The following GPLD1 variants were observed in gnomAD, a reference collection of about 807,000 sequenced individuals.
GPLD1 encodes the protein glycosylphosphatidylinositol specific phospholipase D1.
A neutral mutation model predicts 112.6 loss-of-function variants in GPLD1; 84 were observed. The ratio of observed to expected loss-of-function variants is 0.75; its 90% confidence interval spans 0.63 to 0.89. GPLD1 has a LOEUF of 0.89. Ranked by LOEUF, GPLD1 falls within the 40% of genes least tolerant of loss-of-function variation. GPLD1 has a pLI of 0.00. For missense variants in GPLD1, 1,044 were observed against 1,051.5 expected, an observed-to-expected ratio of 0.99 and a Z score of 0.10; for synonymous variants, 386 against 403.8, an observed-to-expected ratio of 0.96 and a Z score of 0.53.
intron 20 of GPLD1, among the ~76,000 whole-genome samples, chr6:24,438,365 T>C (rs1350442093): frequency 6.6e-6 from 1 of 152,244 alleles, no homozygotes; most frequent in Admixed American, 6.5e-5. Context: ...GAAATATAAA[T>C]GGCACCTGTG....
chr6:24,450,357 C>T (rs898450537), intron 14 of GPLD1, among the ~76,000 whole-genome samples: 4 of 151,950 alleles, frequency 2.6e-5, no homozygotes, highest in East Asian at 1.9e-4. Flanking sequence ...AAGAATTAGC[C>T]GGGTGTGGTG....
Position 24,426,196 on chromosome 6 carries a change from A to G in GPLD1, c.*2836T>C, listed in dbSNP as rs753577021. The G allele has an allele frequency of 9.2e-5, 14 of 152,238 alleles. No homozygotes were observed. Among genetic ancestry groups the G allele is most frequent in the African/African-American group, 1.2e-4 (5 of 41,462 alleles). 9.4% of individuals were successfully genotyped at this position (152,238 alleles called of 1,614,324 possible). A position where few individuals can be genotyped will look rare whatever the true frequency, so the allele number is the denominator to read the frequency against. ...AAAGATAAATTTCAGTTAAACTTGT[A>G]TAAGTTCAGATTTCTGTTAATGAGA... On this transcript the variant is annotated 3_prime_UTR_variant, in exon 25 of 25. Coordinates refer to ENST00000230036, the MANE Select transcript of GPLD1 (RefSeq NM_001503.4).
intron 2 of GPLD1, among the ~76,000 whole-genome samples, 190 bp from the exon 3 acceptor site, chr6:24,480,149 A>G (rs534430054): frequency 1.3e-5 from 2 of 152,350 alleles, no homozygotes; most frequent in Admixed American, 6.5e-5. Flanking sequence ...GACAAAACAC[A>G]ACAATATATA....
chr6:24,434,642 C>G (rs1021708630), intron 22 of GPLD1, among the ~76,000 whole-genome samples: 1 of 151,712 alleles, frequency 6.6e-6, no homozygotes, highest in African/African-American at 2.4e-5. Context: ...TCAAGACCAT[C>G]GTGGCTAACA....
At chr6:24,446,673 A>C (rs761627485) in intron 18 of GPLD1, among the ~76,000 whole-genome samples, 165 bp downstream of exon 18, 17 of 152,218 alleles carry the variant, frequency 1.1e-4, no homozygotes, top group Non-Finnish European at 1.3e-4. Context: ...TGTATTTTTA[A>C]ATTTCTAAGG....
At chr6:24,460,509 T>G (rs1581760227) in intron 11 of GPLD1, 110 bp from the exon 12 acceptor site, 1 of 1,140,338 alleles carries the variant, frequency 8.8e-7, no homozygotes, top group East Asian at 2.4e-5. Flanking sequence ...ACCACAAAAT[T>G]TTAACGTCAG....
At chr6:24,459,249 AT>A (rs58847403) in intron 12 of GPLD1, among the ~76,000 whole-genome samples, 58,935 of 150,674 alleles carry the variant, frequency 0.39, 13,326 homozygotes, top group African/African-American at 0.64. Flanking sequence ...TCTCCCTGCT[AT>A]TTTTTTTTTG....
chr6:24,451,757 C>T (rs1353593022), intron 14 of GPLD1, among the ~76,000 whole-genome samples: 2 of 152,210 alleles, frequency 1.3e-5, no homozygotes, highest in Non-Finnish European at 2.9e-5. Context: ...TCTCTCCACA[C>T]CCGTGTGCAG....
Position 24,467,289 on chromosome 6 carries a change from A to G in GPLD1, c.546-15T>C. 1 of 1,335,708 alleles carries G rather than the reference A, an allele frequency of 7.5e-7. No homozygotes were observed. The allele number at this position is 1,335,708 out of a possible 1,614,324, so 82.7% of individuals were successfully genotyped here. On this transcript the variant is annotated splice_polypyrimidine_tract_variant and intron_variant, in intron 7 of 24. Coordinates refer to ENST00000230036, the MANE Select transcript of GPLD1 (RefSeq NM_001503.4). Reference sequence around the variant, plus strand: ...CTGGCACATACCTGAAAAATGCAGAATAAAGTAAGAGTTGTTTTGATTCTG... The same window carrying G: ...CTGGCACATACCTGAAAAATGCAGAGTAAAGTAAGAGTTGTTTTGATTCTG...
At chr6:24,456,369 C>A in intron 13 of GPLD1, 129 bp downstream of exon 13, 1 of 643,428 alleles carries the variant, frequency 1.6e-6, no homozygotes, top group Non-Finnish European at 2.6e-6. Flanking sequence ...TGTACTCCAG[C>A]CTGGGTGACA....
At chr6:24,467,901 TTC>T (rs1168133623) in intron 7 of GPLD1, among the ~76,000 whole-genome samples, 3 of 151,846 alleles carry the variant, frequency 2.0e-5, no homozygotes, top group Non-Finnish European at 4.4e-5. Context: ...TGTTTTTGTT[TTC>T]TGTTTTTTGT....
chr6:24,493,752 G>C (rs146910378), upstream of GPLD1, among the ~76,000 whole-genome samples: 129 of 152,260 alleles, frequency 8.5e-4, no homozygotes, highest in Middle Eastern at 3.4e-3. Context: ...CTCAGCAAAA[G>C]ACAAAGTCAA....
chr6:24,445,524 A>G (rs985149465), intron 20 of GPLD1, 22 bp downstream of exon 20: 4 of 1,533,354 alleles, frequency 2.6e-6, no homozygotes, highest in Non-Finnish European at 2.7e-6. Context: ...AAGGAAGCAC[A>G]GTTTCACAGT....
At chr6:24,424,007 A>C (rs1356630946), downstream of GPLD1, 1 of 169,244 alleles carries the variant, frequency 5.9e-6, no homozygotes, top group Non-Finnish European at 1.3e-5. Context: ...TATCAAGAAA[A>C]GTGCAATTTC....
intron 20 of GPLD1, among the ~76,000 whole-genome samples, chr6:24,438,198 GTC>G (rs142113715): frequency 0.012 from 1,845 of 152,344 alleles, 23 homozygotes; most frequent in African/African-American, 0.041. Flanking sequence ...ATGCGGTCAC[GTC>G]TCTGTCTCTC....
chr6:24,470,523 A>G (rs1483732108), intron 7 of GPLD1, among the ~76,000 whole-genome samples: 3 of 152,262 alleles, frequency 2.0e-5, no homozygotes, highest in Non-Finnish European at 4.4e-5. Context: ...AAACCTGATA[A>G]AAAGTAAAGA....
intron 12 of GPLD1, 48 bp from the exon 13 acceptor site, chr6:24,456,685 A>G (rs986815009): frequency 1.5e-6 from 2 of 1,327,736 alleles, no homozygotes; most frequent in African/African-American, 2.9e-5. Context: ...TAGCATAATC[A>G]ACAAAGCTAC....
chr6:24,433,691 C>T (rs1762481358), intron 22 of GPLD1: 2 of 282,948 alleles, frequency 7.1e-6, no homozygotes, highest in Non-Finnish European at 1.3e-5. Flanking sequence ...GAGGCGGTTT[C>T]ACCACGTTGG....
At chr6:24,440,058 A>T (rs2127322685) in intron 20 of GPLD1, among the ~76,000 whole-genome samples, 1 of 152,212 alleles carries the variant, frequency 6.6e-6, no homozygotes, top group South Asian at 2.1e-4. Context: ...AGAAAACAAA[A>T]GAGCTATTGT....
Sources: allele counts gnomAD v4.1 joint callset (sites outside exome capture counted in the v4.1 genomes callset), GRCh38; gene constraint gnomAD v4.1.1; transcripts MANE v1.5; gene names NCBI Gene and HGNC (gene_info 2026-07-23, HGNC 2026-07-21).